Variants in MAF observed in about 807,000 individuals in gnomAD.
MAF encodes the protein MAF bZIP transcription factor.
MAF carries 10 observed loss-of-function variants against 22.0 expected under a neutral mutation model. The observed-to-expected ratio is 0.45, with a 90% CI of 0.28 to 0.77. MAF has a LOEUF of 0.77. Among genes scored for constraint, MAF ranks in the 30% least tolerant of loss-of-function variants. The probability of loss-of-function intolerance (pLI) is 0.12; values close to 1 mark genes in which losing one functional copy is unlikely to be tolerated. For missense variants in MAF, 544 were observed against 548.4 expected (o/e 0.99, Z 0.08); for synonymous variants, 337 against 255.8 (o/e 1.32, Z -3.03).
At chr16:79,205,727 G>C in the MAF span, 1 of 152,322 alleles carries the variant, frequency 6.6e-6, no homozygotes, top group East Asian at 1.9e-4. Flanking sequence ...TGTGTCTAAG[G>C]CTGGATTGTT....
At chr16:79,283,985 AG>A in the MAF span, among the ~76,000 whole-genome samples, 2 of 63,826 alleles carry the variant, frequency 3.1e-5, no homozygotes, top group African/African-American at 5.8e-5. Flanking sequence ...AAAAAAAAAA[AG>A]ACAAAGCCCC....
the MAF span, among the ~76,000 whole-genome samples, chr16:79,523,310 A>G: frequency 6.6e-6 from 1 of 152,210 alleles, no homozygotes; most frequent in Non-Finnish European, 1.5e-5. Context: ...AACAGAATGG[A>G]TTCTTCTCCC....
chr16:79,314,433 G>C, the MAF span, among the ~76,000 whole-genome samples: 1 of 152,200 alleles, frequency 6.6e-6, no homozygotes, highest in Non-Finnish European at 1.5e-5. Flanking sequence ...ATGGGTTGCA[G>C]TGAGGCAGCT....
downstream of MAF, among the ~76,000 whole-genome samples, chr16:79,590,009 C>G (rs769062225): frequency 6.6e-6 from 1 of 152,180 alleles, no homozygotes; most frequent in African/African-American, 2.4e-5. Flanking sequence ...TCTTCGGGAC[C>G]CGCCCCCTCT....
At chr16:79,211,860 G>C in the MAF span, 4 of 1,603,298 alleles carry the variant, frequency 2.5e-6, no homozygotes, top group South Asian at 3.3e-5. Flanking sequence ...GCAAGTGCCA[G>C]GGCTGGGCCC....
chr16:79,311,115 G>C, the MAF span, among the ~76,000 whole-genome samples: 1 of 151,734 alleles, frequency 6.6e-6, no homozygotes, highest in Non-Finnish European at 1.5e-5. Context: ...TCTTAACCTG[G>C]ATTTCTACCT....
the MAF span, among the ~76,000 whole-genome samples, chr16:79,563,306 G>C: frequency 6.6e-6 from 1 of 152,208 alleles, no homozygotes; most frequent in Non-Finnish European, 1.5e-5. Context: ...AATGTGGCCA[G>C]TGTGTCTCTA....
the MAF span, among the ~76,000 whole-genome samples, chr16:79,300,353 G>A: frequency 3.2e-4 from 48 of 152,190 alleles, no homozygotes; most frequent in African/African-American, 1.1e-3. Context: ...TCAGGAGTTC[G>A]AGACCAGCCT....
At chr16:79,569,194 A>T in the MAF span, among the ~76,000 whole-genome samples, 1 of 152,228 alleles carries the variant, frequency 6.6e-6, no homozygotes, top group African/African-American at 2.4e-5. Context: ...GGGTCGGATA[A>T]CGCTTTGTGG....
the MAF span, among the ~76,000 whole-genome samples, chr16:79,280,983 C>G: frequency 1.3e-4 from 20 of 151,796 alleles, no homozygotes; most frequent in African/African-American, 4.4e-4. Context: ...TCTCCCAGAT[C>G]AGAATGGGAG....
At chr16:79,363,205 T>A in the MAF span, among the ~76,000 whole-genome samples, 1 of 144,804 alleles carries the variant, frequency 6.9e-6, no homozygotes, top group East Asian at 2.0e-4. Flanking sequence ...GGTAGGGGGG[T>A]GGGGAAAGTC....
At chr16:79,592,378 A>G (rs1913239894), downstream of MAF, among the ~76,000 whole-genome samples, 1 of 152,206 alleles carries the variant, frequency 6.6e-6, no homozygotes, top group African/African-American at 2.4e-5. Flanking sequence ...GGGTTTGTTC[A>G]GGAGCTGGGG....
intron 1 of MAF, 170 bp from the exon 2 acceptor site, chr16:79,594,723 CATGT>C: frequency 1.5e-6 from 2 of 1,339,224 alleles, no homozygotes; most frequent in Non-Finnish European, 2.0e-6. Flanking sequence ...AAAAAAAAAA[CATGT>C]ATTTGTTTGC....
the MAF span, among the ~76,000 whole-genome samples, chr16:79,260,338 G>T: frequency 6.6e-6 from 1 of 152,208 alleles, no homozygotes; most frequent in South Asian, 2.1e-4. Context: ...TTTTTGTAGA[G>T]ATGGGGTCCC....
chr16:79,343,470 G>C, the MAF span, among the ~76,000 whole-genome samples: 1 of 152,118 alleles, frequency 6.6e-6, no homozygotes, highest in African/African-American at 2.4e-5. Flanking sequence ...GTTCCACGGA[G>C]TCCACAAAAA....
At chr16:79,567,621 C>A in the MAF span, among the ~76,000 whole-genome samples, 1 of 152,172 alleles carries the variant, frequency 6.6e-6, no homozygotes. Context: ...AAAGTGAGGG[C>A]TTCAGAAGGT....
the MAF span, among the ~76,000 whole-genome samples, chr16:79,347,767 T>C: frequency 2.0e-5 from 3 of 152,126 alleles, no homozygotes; most frequent in African/African-American, 7.2e-5. Flanking sequence ...CTCAGGGATC[T>C]CCTAACTCCT....
At chr16:79,550,058 G>A in the MAF span, among the ~76,000 whole-genome samples, 1 of 152,156 alleles carries the variant, frequency 6.6e-6, no homozygotes, top group East Asian at 1.9e-4. Context: ...CTGTATTCCA[G>A]CCACTCTAGC....
the MAF span, among the ~76,000 whole-genome samples, chr16:79,246,450 C>A: frequency 1.3e-5 from 2 of 149,372 alleles, no homozygotes; most frequent in Non-Finnish European, 3.0e-5. Flanking sequence ...ACACAAGGAC[C>A]CCCTCACATA....
Sources: gnomAD v4.1 joint callset for allele counts (sites outside exome capture counted in the v4.1 genomes callset) on GRCh38, gnomAD v4.1.1 for gene constraint, MANE v1.5 for transcripts, NCBI Gene and HGNC (gene_info 2026-07-23, HGNC 2026-07-21) for gene names.